Variants in MUC13 observed in about 807,000 individuals in gnomAD.
MUC13 encodes the protein mucin-13.
In MUC13, 32 loss-of-function variants were observed where a neutral mutation model predicts 48.3. That is an observed-to-expected ratio of 0.66 (90% CI 0.50 to 0.89). The LOEUF (loss-of-function observed/expected upper bound fraction) is 0.89. Ranked by LOEUF, MUC13 falls within the 40% of genes least tolerant of loss-of-function variation. MUC13 has a pLI of 0.00. For synonymous variants in MUC13, 199 were observed against 224.9 expected (o/e 0.88, Z 1.03); for missense variants, 571 against 622.8 (o/e 0.92, Z 0.88).
intron 9 of MUC13, 109 bp downstream of exon 9, chr3:124,911,995 T>G: frequency 7.0e-7 from 1 of 1,436,732 alleles, no homozygotes; most frequent in Non-Finnish European, 9.4e-7. Flanking sequence ...TCTCTCTTTA[T>G]GAAAGAGGAC....
chr3:124,923,939 C>T (rs1184509999), intron 2 of MUC13, among the ~76,000 whole-genome samples: 2 of 152,266 alleles, frequency 1.3e-5, no homozygotes, highest in Middle Eastern at 3.4e-3. Flanking sequence ...CTTCTGACTC[C>T]AAGGAGTCAG....
rs529033478 is a variant in MUC13, at chr3:124,927,388, C to T, written c.514+144G>A. ...CCTCTGCTGTCACTACATTGTGACACAGATTTCAAGCCCACAGTTCATTTC... is the reference window on the plus strand; with the variant it reads ...CCTCTGCTGTCACTACATTGTGACATAGATTTCAAGCCCACAGTTCATTTC... On this transcript the variant is annotated intron_variant, in intron 2 of 11. Transcript: ENST00000616727. 2.4e-4 allele frequency: 175 copies of T among 732,156 alleles called. No individual in the cohort carries two copies. The African/African-American group carries it at 2.9e-3, about 12-fold the overall frequency. The allele number at this position is 732,156 out of a possible 1,614,324, so 45.4% of individuals were successfully genotyped here.
chr3:124,908,274 G>A lies in MUC13; in HGVS notation c.1412C>T (p.Ser471Leu), dbSNP rs777807649. 24 of 1,614,022 alleles carry A rather than the reference G, an allele frequency of 1.5e-5. No individual in the cohort carries two copies. The highest frequency in any genetic ancestry group is 2.7e-5 in the African/African-American group (2 of 74,908). The change falls in exon 11 of 12, where the codon TCG becomes TTG. Residue 471 changes from serine to leucine, a missense_variant. By Grantham distance (145) the Ser-to-Leu change is moderately radical (BLOSUM62 -2). Transcript: ENST00000616727. ...DEDFQNLKLR[S>L]TGFTNLGAEG... ...TGCTCCAAGATTGGTGAAGCCTGTC[G>A]ACCGCAGTTTTAGATTTTGAAAGTC...
intron 5 of MUC13, among the ~76,000 whole-genome samples, chr3:124,917,711 T>C (rs1371301681): frequency 7.3e-6 from 1 of 136,374 alleles, no homozygotes; most frequent in Non-Finnish European, 1.6e-5. Flanking sequence ...ATTTAATATT[T>C]TCTACCATAA....
At chr3:124,931,888 C>CA (rs112749802) in intron 1 of MUC13, among the ~76,000 whole-genome samples, 2 of 151,748 alleles carry the variant, frequency 1.3e-5, no homozygotes, top group East Asian at 1.9e-4. Flanking sequence ...ACTAAAAATA[C>CA]AAAAAAATTA....
rs549145123 is a variant in MUC13 at position 124,916,556 on chromosome 3, C to T, written c.801-76G>A. 229 of 1,465,796 alleles carry T rather than the reference C, an allele frequency of 1.6e-4. No homozygotes were observed. In the African/African-American group the frequency reaches 2.9e-3, roughly 19 times the overall value. The allele number at this position is 1,465,796 out of a possible 1,614,324, so 90.8% of individuals were successfully genotyped here. On this transcript the variant is annotated intron_variant, in intron 5 of 11. Transcript: ENST00000616727. ...AAATAATTCTAATCTCCCAGACTCCCGAATCTCCCGGCCCTAGTCCTGACC... is the reference window on the plus strand; with the variant it reads ...AAATAATTCTAATCTCCCAGACTCCTGAATCTCCCGGCCCTAGTCCTGACC...
At chr3:124,911,995 T>C in intron 9 of MUC13, 109 bp downstream of exon 9, 11 of 1,436,732 alleles carry the variant, frequency 7.7e-6, no homozygotes, top group South Asian at 1.4e-5. Context: ...TCTCTCTTTA[T>C]GAAAGAGGAC....
intron 1 of MUC13, among the ~76,000 whole-genome samples, chr3:124,932,308 G>A (rs965583386): frequency 1.3e-5 from 2 of 152,176 alleles, no homozygotes; most frequent in Admixed American, 6.5e-5. Flanking sequence ...GCTCACGCCT[G>A]TAATCCCAGC....
At chr3:124,910,547 A>C (rs773172665) in intron 9 of MUC13, 48 bp from the exon 10 acceptor site, 7 of 1,609,736 alleles carry the variant, frequency 4.3e-6, no homozygotes, top group Admixed American at 3.4e-5. Flanking sequence ...GCTGGCCCCC[A>C]ACTGTCTACT....
intron 5 of MUC13, 150 bp from the exon 6 acceptor site, chr3:124,916,630 G>A (rs778253575): frequency 5.6e-4 from 417 of 744,032 alleles, no homozygotes; most frequent in Non-Finnish European, 7.6e-4. Flanking sequence ...GCCGGGGGCT[G>A]CAAAAAGATG....
chr3:124,927,936 C>T lies in MUC13; in HGVS notation c.110G>A (p.Gly37Asp). ...AVTTTETATS[G>D]PTVAAADTTE... is the part of the protein sequence containing the mutation. ...GGTATCAGCTGCAGCTACTGTAGGACCACTAGTCGCAGTTTCTGTGGTTGT... is the reference window on the plus strand; with the variant it reads ...GGTATCAGCTGCAGCTACTGTAGGATCACTAGTCGCAGTTTCTGTGGTTGT... The change falls in exon 2 of 12, where the codon GGT becomes GAT. Residue 37 changes from glycine (G) to aspartate (D), a missense_variant. Gly to Asp is a moderately conservative substitution (Grantham distance 94, BLOSUM62 -1). Coordinates refer to ENST00000616727, the MANE Select transcript of MUC13 (RefSeq NM_033049.4). The T allele has an allele frequency of 6.3e-7, 1 of 1,591,244 alleles. No homozygotes were observed.
intron 9 of MUC13, among the ~76,000 whole-genome samples, chr3:124,910,970 C>T (rs958889552): frequency 6.6e-6 from 1 of 152,164 alleles, no homozygotes; most frequent in Non-Finnish European, 1.5e-5. Flanking sequence ...CACCCATTCT[C>T]CTCTCCTAAC....
chr3:124,922,071 AT>A, intron 4 of MUC13, 125 bp downstream of exon 4: 1 of 1,146,432 alleles, frequency 8.7e-7, no homozygotes, highest in Non-Finnish European at 1.2e-6. Flanking sequence ...GTAAAGGTAC[AT>A]TTCACTGTTT....
chr3:124,913,045 T>C (rs1461629135), intron 8 of MUC13, 66 bp downstream of exon 8: 6 of 1,582,100 alleles, frequency 3.8e-6, no homozygotes, highest in Non-Finnish European at 5.2e-6. Context: ...ATATACGTGT[T>C]GTAAGGTCTC....
intron 5 of MUC13, among the ~76,000 whole-genome samples, chr3:124,919,356 G>GTTTT (rs764689690): frequency 8.1e-6 from 1 of 123,692 alleles, no homozygotes; most frequent in Non-Finnish European, 1.6e-5. Flanking sequence ...AAAAAAAATG[G>GTTTT]TTTTTTTTTT....
At chr3:124,933,362 C>T (rs1231583361) in intron 1 of MUC13, among the ~76,000 whole-genome samples, 1 of 152,128 alleles carries the variant, frequency 6.6e-6, no homozygotes, top group Non-Finnish European at 1.5e-5. Flanking sequence ...AAATTAAAAA[C>T]TCTTAGAGGT....
chr3:124,914,030 C>T (rs112115732), intron 6 of MUC13, among the ~76,000 whole-genome samples: 6 of 152,038 alleles, frequency 3.9e-5, no homozygotes, highest in African/African-American at 1.5e-4. Context: ...CCACTGCACT[C>T]CAACTTGAGC....
At chr3:124,926,023 G>A (rs1407618996) in intron 2 of MUC13, among the ~76,000 whole-genome samples, 1 of 152,212 alleles carries the variant, frequency 6.6e-6, no homozygotes, top group Non-Finnish European at 1.5e-5. Flanking sequence ...GACAAAGTAT[G>A]AACCAGTCTT....
chr3:124,908,831 G>T (rs796311605), intron 10 of MUC13, among the ~76,000 whole-genome samples: 8 of 152,286 alleles, frequency 5.3e-5, no homozygotes, highest in African/African-American at 1.9e-4. Flanking sequence ...AATCACGTTG[G>T]TGGGTAAAAT....
Sources: gnomAD v4.1 joint callset for allele counts (sites outside exome capture counted in the v4.1 genomes callset) on GRCh38, gnomAD v4.1.1 for gene constraint, MANE v1.5 for transcripts, NCBI Gene and HGNC (gene_info 2026-07-23, HGNC 2026-07-21) for gene names.